SLC4A10: variants seen among roughly 807,000 people sequenced by gnomAD.
SLC4A10 encodes sodium-driven chloride bicarbonate exchanger.
SLC4A10 carries 42 observed loss-of-function variants against 137.7 expected under a neutral mutation model. The ratio of observed to expected loss-of-function variants is 0.30; its 90% CI spans 0.24 to 0.39. The LOEUF is 0.39. Ranked by LOEUF, SLC4A10 falls within the 10% of genes least tolerant of loss-of-function variation. The probability of loss-of-function intolerance (pLI) is 1.00; values close to 1 mark genes in which losing one functional copy is unlikely to be tolerated. For synonymous variants in SLC4A10, 474 were observed against 464.1 expected (o/e 1.02, Z -0.27); for missense variants, 925 against 1,355.0 (o/e 0.68, Z 4.98).
chr2:161,833,671 G>A (rs993229532), intron 3 of SLC4A10, among the ~76,000 whole-genome samples: 1 of 152,146 alleles, frequency 6.6e-6, no homozygotes, highest in Non-Finnish European at 1.5e-5. Flanking sequence ...TGTGACCCTT[G>A]AAACTAATCT....
chr2:161,889,506 C>T (rs574399551), intron 10 of SLC4A10, among the ~76,000 whole-genome samples: 1 of 152,198 alleles, frequency 6.6e-6, no homozygotes, highest in African/African-American at 2.4e-5. Context: ...CTGCTTTAGT[C>T]TTGGGAGAGT....
At chr2:161,926,386 GTTTTTTTTTTTTT>G (rs1174458600) in intron 15 of SLC4A10, among the ~76,000 whole-genome samples, 3 of 22,926 alleles carry the variant, frequency 1.3e-4, no homozygotes, top group South Asian at 3.5e-3. Flanking sequence ...CCTTTTTTTG[GTTTTTTTTTTTTT>G]TTTTTTTTTT....
At chr2:161,804,710 G>A (rs2055737958) in intron 3 of SLC4A10, 115 bp downstream of exon 3, 1 of 991,754 alleles carries the variant, frequency 1.0e-6, no homozygotes. Flanking sequence ...TTTTATAAAA[G>A]ACTTTGGGCC....
intron 1 of SLC4A10, among the ~76,000 whole-genome samples, chr2:161,689,011 T>G (rs906819163): frequency 3.9e-5 from 6 of 152,050 alleles, no homozygotes; most frequent in Non-Finnish European, 8.8e-5. Context: ...ACAAAAATTT[T>G]TAAAAATAGA....
At position 161,697,667 on chromosome 2, in the gene SLC4A10, C is replaced by T. The variant is rs2124976722; in HGVS notation, c.48+73101C>T. Among the ~76,000 whole-genome samples, 2 of 152,208 alleles carry T rather than the reference C, an allele frequency of 1.3e-5. 1 individual carries two copies. Among genetic ancestry groups the T allele is most frequent in the South Asian group, 4.1e-4 (2 of 4,824 alleles). Reference sequence around the variant, plus strand: ...TCTATTCTGTTCCATTGATCTATATCTCTGTTTTGGTACCAGTACCATGCT... The same window carrying T: ...TCTATTCTGTTCCATTGATCTATATTTCTGTTTTGGTACCAGTACCATGCT... On this transcript the variant is annotated intron_variant, in intron 1 of 26. Transcript: ENST00000446997.
At chr2:161,913,011 G>T (rs1453944896) in intron 15 of SLC4A10, among the ~76,000 whole-genome samples, 1 of 152,084 alleles carries the variant, frequency 6.6e-6, no homozygotes, top group Non-Finnish European at 1.5e-5. Flanking sequence ...AATCTTTCAT[G>T]CAAGATGAAG....
chr2:161,711,121 G>A (rs2044248582), intron 1 of SLC4A10, among the ~76,000 whole-genome samples: 1 of 151,764 alleles, frequency 6.6e-6, no homozygotes, highest in Non-Finnish European at 1.5e-5. Flanking sequence ...GACTTTTAGA[G>A]TGCATAGTTT....
chr2:161,977,668 TAACCTTA>T, intron 25 of SLC4A10, 47 bp from the exon 26 acceptor site: 2 of 1,498,450 alleles, frequency 1.3e-6, no homozygotes, highest in South Asian at 2.5e-5. Flanking sequence ...TTTATTTTCG[TAACCTTA>T]AATTAACTTT....
intron 1 of SLC4A10, among the ~76,000 whole-genome samples, chr2:161,714,480 G>A (rs1167314585): frequency 6.6e-6 from 1 of 151,910 alleles, no homozygotes; most frequent in African/African-American, 2.4e-5. Context: ...AATAAGTTAA[G>A]GGAGAATTCA....
intron 24 of SLC4A10, among the ~76,000 whole-genome samples, chr2:161,975,842 G>A (rs1559670138): frequency 6.6e-6 from 1 of 152,220 alleles, no homozygotes; most frequent in Admixed American, 6.5e-5. Context: ...TTGTGTTCCA[G>A]AACAGTCAGG....
At position 161,748,415 on chromosome 2, in the gene SLC4A10, A is replaced by T. The variant is rs113033888; in HGVS notation, c.49-22558A>T. ...TTTTGCAATTTTAAATCTTACGTCTATGTCTTAAGCCATTTTGAGTTTGTG... is the reference window on the plus strand; with the variant it reads ...TTTTGCAATTTTAAATCTTACGTCTTTGTCTTAAGCCATTTTGAGTTTGTG... On this transcript the variant is annotated intron_variant, in intron 1 of 26. Coordinates refer to ENST00000446997, the MANE Select transcript of SLC4A10 (RefSeq NM_001178015.2). Among the ~76,000 whole-genome samples, 138 of 149,918 alleles carry T rather than the reference A, an allele frequency of 9.2e-4. 1 individual carries two copies. Among genetic ancestry groups the T allele is most frequent in the African/African-American group, 3.2e-3 (129 of 40,480 alleles).
chr2:161,799,479 A>G (rs2055152976), intron 2 of SLC4A10, among the ~76,000 whole-genome samples: 1 of 151,958 alleles, frequency 6.6e-6, no homozygotes, highest in South Asian at 2.1e-4. Flanking sequence ...TCTTTAGGCC[A>G]GTGTTATAAT....
rs957122174 is a variant in SLC4A10 at position 161,896,846 on chromosome 2, C to A, written c.1341+2021C>A. On this transcript the variant is annotated intron_variant, in intron 11 of 26. Transcript: ENST00000446997. ...CTACTAATCAAACAGTGCCATATGC[C>A]TGGAAAGATTTTAGCCCCTACTTAA... 2.0e-5 allele frequency among the ~76,000 whole-genome samples: 3 copies of A among 151,974 alleles called. 1 individual carries two copies. Among genetic ancestry groups the A allele is most frequent in the South Asian group, 4.1e-4 (2 of 4,826 alleles).
intron 23 of SLC4A10, among the ~76,000 whole-genome samples, chr2:161,971,581 G>A (rs760509732): frequency 6.6e-6 from 1 of 152,114 alleles, no homozygotes; most frequent in Admixed American, 6.5e-5. Flanking sequence ...TTATGCTCTC[G>A]CTGTCTCTTT....
At chr2:161,922,581 G>C (rs969083549) in intron 15 of SLC4A10, among the ~76,000 whole-genome samples, 1 of 152,020 alleles carries the variant, frequency 6.6e-6, no homozygotes, top group East Asian at 1.9e-4. Flanking sequence ...CTAGTGCTAT[G>C]TAAAAAAGGA....
chr2:161,921,899 G>A (rs1575652339), intron 15 of SLC4A10, among the ~76,000 whole-genome samples: 1 of 152,182 alleles, frequency 6.6e-6, no homozygotes, highest in African/African-American at 2.4e-5. Flanking sequence ...TGTATCTCCA[G>A]TAGGACTTAG....
intron 3 of SLC4A10, among the ~76,000 whole-genome samples, chr2:161,835,511 T>C (rs2058710928): frequency 1.3e-5 from 2 of 152,220 alleles, no homozygotes; most frequent in South Asian, 4.1e-4. Flanking sequence ...TACACTTGGC[T>C]ATGAGGATGA....
intron 21 of SLC4A10, among the ~76,000 whole-genome samples, chr2:161,962,724 A>G (rs1696930026): frequency 1.3e-5 from 2 of 152,158 alleles, no homozygotes; most frequent in South Asian, 2.1e-4. Flanking sequence ...TTATTTAGAT[A>G]ACTGAGGAAA....
chr2:161,966,296 C>A (rs924603587), intron 23 of SLC4A10, among the ~76,000 whole-genome samples: 4 of 152,052 alleles, frequency 2.6e-5, no homozygotes, highest in African/African-American at 9.7e-5. Flanking sequence ...GTGTCTTAAT[C>A]CTGTAAGAAT....
Sources: allele counts gnomAD v4.1 joint callset (sites outside exome capture counted in the v4.1 genomes callset), GRCh38; gene constraint gnomAD v4.1.1; transcripts MANE v1.5; gene names NCBI Gene and HGNC (gene_info 2026-07-23, HGNC 2026-07-21).